Variants in RAP1GDS1 observed in about 807,000 individuals in gnomAD.
The protein encoded by RAP1GDS1 is RAP1, GTP-GDP dissociation stimulator 1.
RAP1GDS1 carries 35 observed loss-of-function variants against 71.1 expected under a neutral mutation model. The ratio of observed to expected loss-of-function variants is 0.49; its 90% CI spans 0.38 to 0.65. The LOEUF (loss-of-function observed/expected upper bound fraction) is 0.65. RAP1GDS1 is among the 30% of genes least tolerant of loss of function. RAP1GDS1 has a pLI of 0.00. For missense variants in RAP1GDS1, 663 were observed against 706.1 expected (o/e 0.94, Z 0.69); for synonymous variants, 229 against 243.1 (o/e 0.94, Z 0.54).
intron 4 of RAP1GDS1, among the ~76,000 whole-genome samples, chr4:98,372,340 T>G (rs1294965726): frequency 6.6e-6 from 1 of 152,100 alleles, no homozygotes; most frequent in Non-Finnish European, 1.5e-5. Context: ...TTTTTGTATG[T>G]TTTTTAAATA....
chr4:98,401,320 A>C (rs1745373924), intron 6 of RAP1GDS1, among the ~76,000 whole-genome samples: 1 of 152,248 alleles, frequency 6.6e-6, no homozygotes. Context: ...AAAATGAATT[A>C]GTGTATTACT....
intron 3 of RAP1GDS1, among the ~76,000 whole-genome samples, chr4:98,346,141 T>G (rs1736212665): frequency 1.3e-5 from 2 of 152,214 alleles, no homozygotes; most frequent in Admixed American, 6.5e-5. Flanking sequence ...GTATAAAGCT[T>G]GAGAACCACG....
At chr4:98,263,412 C>T (rs1393669363) in intron 1 of RAP1GDS1, among the ~76,000 whole-genome samples, 1 of 152,206 alleles carries the variant, frequency 6.6e-6, no homozygotes, top group Non-Finnish European at 1.5e-5. Flanking sequence ...AAATTATCTA[C>T]TTAAAAATAA....
chr4:98,336,234 G>A (rs1734706113), intron 2 of RAP1GDS1, among the ~76,000 whole-genome samples: 1 of 151,992 alleles, frequency 6.6e-6, no homozygotes, highest in Admixed American at 6.6e-5. Context: ...TATATACTCT[G>A]CTTATACCAC....
Position 98,397,293 on chromosome 4 carries a change from C to A in RAP1GDS1, c.637+5213C>A, listed in dbSNP as rs563965645. ...GCATTCTTATTTAACATGGAATAAA[C>A]AGAATGAGACTTTGCCTCTTTTAAA... On this transcript the variant is annotated intron_variant, in intron 6 of 14. Coordinates refer to ENST00000408927, the MANE Select transcript of RAP1GDS1 (RefSeq NM_001100427.2). Among the ~76,000 whole-genome samples the A allele has an allele frequency of 1.2e-4, 19 of 152,114 alleles. No individual in the cohort carries two copies. The East Asian group carries it at 3.5e-3, about 28-fold the overall frequency.
rs1751949621 is a variant in RAP1GDS1, at chr4:98,442,055, GA to G, written c.1763del (p.Glu588GlyfsTer59). 6.2e-7 allele frequency: 1 copy of G among 1,613,920 alleles called. No homozygotes were observed. The highest frequency in any genetic ancestry group is 8.5e-7 in the Non-Finnish European group (1 of 1,180,008). ...TGTCGTATCCAAACTTCGCAGTCAT[GA>G]GAACAAAAGTGTTGCCCAGCAGGCC... ...LDVVSKLRSHENKSVAQQASL... is the reference protein window; with the variant it reads ...LDVVSKLRSHXNKSVAQQASL... On this transcript the variant is annotated frameshift_variant, in exon 15 of 15. Coordinates refer to ENST00000408927, the MANE Select transcript of RAP1GDS1 (RefSeq NM_001100427.2). LOFTEE classifies it high-confidence loss of function.
chr4:98,439,247 A>ACTT (rs1284799796), intron 14 of RAP1GDS1, among the ~76,000 whole-genome samples: 1 of 152,118 alleles, frequency 6.6e-6, no homozygotes, highest in Non-Finnish European at 1.5e-5. Context: ...CTATTGTGCC[A>ACTT]CTTTTTTCTA....
chr4:98,413,089 A>G (rs940948317), intron 7 of RAP1GDS1, among the ~76,000 whole-genome samples: 1 of 152,116 alleles, frequency 6.6e-6, no homozygotes, highest in Non-Finnish European at 1.5e-5. Flanking sequence ...CCGCACCCTA[A>G]TAAGCCTGAG....
chr4:98,384,810 G>A (rs567063214), intron 5 of RAP1GDS1, among the ~76,000 whole-genome samples: 3 of 151,598 alleles, frequency 2.0e-5, no homozygotes, highest in Admixed American at 2.0e-4. Context: ...AGTAATTTTA[G>A]CAGTCTAATA....
chr4:98,270,090 A>G (rs1723242203), intron 1 of RAP1GDS1, among the ~76,000 whole-genome samples: 1 of 152,142 alleles, frequency 6.6e-6, no homozygotes, highest in African/African-American at 2.4e-5. Flanking sequence ...GTGTCCTCCA[A>G]AGAGGAGAAA....
At chr4:98,261,723 G>GTGCGCC in intron 1 of RAP1GDS1, 154 bp downstream of exon 1, 1 of 1,048,894 alleles carries the variant, frequency 9.5e-7, no homozygotes, top group Non-Finnish European at 1.3e-6. Flanking sequence ...CGGCGCACGC[G>GTGCGCC]GAACGCACGC....
chr4:98,351,959 T>C (rs1737268790), intron 3 of RAP1GDS1, among the ~76,000 whole-genome samples: 2 of 151,444 alleles, frequency 1.3e-5, no homozygotes, highest in Admixed American at 1.3e-4. Context: ...AAAGGACATA[T>C]TATTTTTTAA....
intron 7 of RAP1GDS1, among the ~76,000 whole-genome samples, chr4:98,413,672 A>T (rs891039274): frequency 6.6e-6 from 1 of 152,052 alleles, no homozygotes; most frequent in Non-Finnish European, 1.5e-5. Context: ...TAATGCCGCA[A>T]TAAACATACA....
chr4:98,280,294 C>T (rs1037592035), intron 1 of RAP1GDS1, among the ~76,000 whole-genome samples: 22 of 152,104 alleles, frequency 1.4e-4, no homozygotes, highest in African/African-American at 4.8e-4. Context: ...TTTTAATGAT[C>T]GCCATTCTAA....
chr4:98,278,452 T>C (rs529520254), intron 1 of RAP1GDS1, among the ~76,000 whole-genome samples: 31 of 152,304 alleles, frequency 2.0e-4, no homozygotes, highest in Admixed American at 9.1e-4. Flanking sequence ...ATTTTAAAAT[T>C]AAGAAGTTAA....
chr4:98,315,593 A>G (rs1730822848), intron 2 of RAP1GDS1, among the ~76,000 whole-genome samples: 1 of 152,200 alleles, frequency 6.6e-6, no homozygotes, highest in African/African-American at 2.4e-5. Context: ...TGAGTAAAGA[A>G]TCTAGTCCAT....
intron 14 of RAP1GDS1, among the ~76,000 whole-genome samples, chr4:98,438,590 C>T (rs199789525): frequency 3.4e-3 from 215 of 62,408 alleles, no homozygotes; most frequent in Middle Eastern, 9.4e-3. Context: ...ATATATATAT[C>T]TTTTTTTTTT....
intron 4 of RAP1GDS1, among the ~76,000 whole-genome samples, chr4:98,367,572 A>G (rs1408320982): frequency 6.6e-6 from 1 of 152,242 alleles, no homozygotes. Flanking sequence ...ACACCAGCCC[A>G]TGAAAGTAAC....
chr4:98,382,195 A>AT (rs1560933450), intron 5 of RAP1GDS1, among the ~76,000 whole-genome samples: 1 of 151,548 alleles, frequency 6.6e-6, no homozygotes. Flanking sequence ...TTGTTTCCCT[A>AT]TTGGTGAAGC....
Sources: allele counts gnomAD v4.1 joint callset (sites outside exome capture counted in the v4.1 genomes callset), GRCh38; gene constraint gnomAD v4.1.1; transcripts MANE v1.5; gene names NCBI Gene and HGNC (gene_info 2026-07-23, HGNC 2026-07-21).